Variants in CYTH1 observed in about 807,000 individuals in gnomAD.
CYTH1 encodes cytohesin 1.
A neutral mutation model predicts 61.8 loss-of-function variants in CYTH1; 18 were observed. The ratio of observed to expected loss-of-function variants is 0.29; its 90% confidence interval spans 0.20 to 0.43. The LOEUF (loss-of-function observed/expected upper bound fraction) is 0.43, where lower values mean the gene tolerates loss of function less well. Ranked by LOEUF, CYTH1 falls within the 20% of genes least tolerant of loss-of-function variation. The pLI, the probability that CYTH1 is intolerant of heterozygous loss-of-function variation, is 1.00. For missense variants in CYTH1, 336 were observed against 510.5 expected (o/e 0.66, Z 3.29); for synonymous variants, 174 against 184.3 (o/e 0.94, Z 0.45).
chr17:78,759,246 G>A (rs959173496), intron 1 of CYTH1, among the ~76,000 whole-genome samples: 2 of 152,192 alleles, frequency 1.3e-5, no homozygotes, highest in African/African-American at 4.8e-5. Flanking sequence ...CCCCGAGGAA[G>A]GACTAAAAGG....
intron 1 of CYTH1, among the ~76,000 whole-genome samples, chr17:78,758,688 C>T (rs945127797): frequency 1.3e-5 from 2 of 151,808 alleles, no homozygotes; most frequent in African/African-American, 4.8e-5. Context: ...GCCTGGGCAA[C>T]AAGAGTGAAA....
intron 1 of CYTH1, among the ~76,000 whole-genome samples, chr17:78,777,571 G>A (rs1287481054): frequency 6.6e-6 from 1 of 152,116 alleles, no homozygotes; most frequent in Non-Finnish European, 1.5e-5. Context: ...TTTTGAAATT[G>A]TCTTTAATTG....
At chr17:78,760,578 T>C (rs1173242782) in intron 1 of CYTH1, among the ~76,000 whole-genome samples, 1 of 25,884 alleles carries the variant, frequency 3.9e-5, no homozygotes, top group African/African-American at 1.2e-4. Context: ...TACACATACA[T>C]ATATATGTAT....
chr17:78,760,380 TATATAC>T (rs1188617019), intron 1 of CYTH1, among the ~76,000 whole-genome samples: 36 of 55,108 alleles, frequency 6.5e-4, no homozygotes, highest in African/African-American at 2.2e-3. Context: ...TATATATATA[TATATAC>T]ACACACATAC....
chr17:78,701,463 G>A (rs976471445), intron 6 of CYTH1, among the ~76,000 whole-genome samples: 14 of 151,958 alleles, frequency 9.2e-5, no homozygotes, highest in African/African-American at 1.7e-4. Context: ...TTACAGAATC[G>A]GCCTCCAGAA....
At chr17:78,677,323 G>A (rs1458740675) in intron 13 of CYTH1, 1 of 309,136 alleles carries the variant, frequency 3.2e-6, no homozygotes, top group Non-Finnish European at 6.4e-6. Flanking sequence ...GCACTGCCCT[G>A]TGTGCAGAGG....
At chr17:78,699,492 G>C (rs970864244) in intron 7 of CYTH1, among the ~76,000 whole-genome samples, 15 of 152,166 alleles carry the variant, frequency 9.9e-5, no homozygotes, top group African/African-American at 3.6e-4. Context: ...AAGACTTAAA[G>C]CTGTTTATTT....
intron 11 of CYTH1, among the ~76,000 whole-genome samples, chr17:78,690,392 TCAAAAAAAAAAAAA>T (rs1939408086): frequency 2.1e-4 from 2 of 9,488 alleles, no homozygotes; most frequent in Non-Finnish European, 2.4e-4. Flanking sequence ...AGACTCCATC[TCAAAAAAAAAAAAA>T]AAAAAAAAAA....
At chr17:78,769,052 A>G (rs1413562113) in intron 1 of CYTH1, among the ~76,000 whole-genome samples, 1 of 152,006 alleles carries the variant, frequency 6.6e-6, no homozygotes, top group African/African-American at 2.4e-5. Flanking sequence ...AGGCTGAGGC[A>G]CGAGAATCAC....
chr17:78,777,422 A>G (rs1345884699), intron 1 of CYTH1, among the ~76,000 whole-genome samples: 4 of 152,146 alleles, frequency 2.6e-5, no homozygotes, highest in African/African-American at 9.7e-5. Context: ...CGTCTCAAAA[A>G]TAAATAAATA....
chr17:78,682,836 G>A (rs1014544753), intron 11 of CYTH1, among the ~76,000 whole-genome samples: 1 of 152,168 alleles, frequency 6.6e-6, no homozygotes, highest in African/African-American at 2.4e-5. Context: ...CAGCCTTGGC[G>A]TGCATTCATT....
intron 1 of CYTH1, among the ~76,000 whole-genome samples, chr17:78,712,747 T>C (rs2144455453): frequency 6.6e-6 from 1 of 152,268 alleles, no homozygotes; most frequent in South Asian, 2.1e-4. Context: ...TACTGAGTCC[T>C]GTGGTTTGAA....
chr17:78,698,297 T>C lies in CYTH1; in HGVS notation c.783A>G (p.Pro261=). ...GTTTCAATAGCCAGCCTTCTCGGTC[T>C]GGATTGAAGAAAGTGTGAGTGAGGT... ...GNDLTHTFFN[P]DREGWLLKLG... The change falls in exon 9 of 14, where the codon CCA becomes CCG. Residue 261 remains proline (P), a synonymous_variant. Coordinates refer to ENST00000446868, the MANE Select transcript of CYTH1 (RefSeq NM_004762.6). 6.2e-7 allele frequency: 1 copy of C among 1,613,230 alleles called. No individual in the cohort carries two copies.
intron 1 of CYTH1, among the ~76,000 whole-genome samples, chr17:78,763,968 A>G (rs766567431): frequency 6.6e-6 from 1 of 152,006 alleles, no homozygotes; most frequent in Non-Finnish European, 1.5e-5. Context: ...AAAATTAGCC[A>G]GGCACAGTGG....
chr17:78,747,280 C>A (rs1276724225), intron 1 of CYTH1, among the ~76,000 whole-genome samples: 1 of 151,518 alleles, frequency 6.6e-6, no homozygotes, highest in African/African-American at 2.4e-5. Context: ...GATAGTGGCA[C>A]AGGTATACTA....
At chr17:78,728,671 A>G (rs2093278539) in intron 1 of CYTH1, among the ~76,000 whole-genome samples, 1 of 152,234 alleles carries the variant, frequency 6.6e-6, no homozygotes, top group Non-Finnish European at 1.5e-5. Flanking sequence ...AAAGGGAGAA[A>G]GGGTAACGTG....
At chr17:78,694,442 T>C (rs2092918611) in intron 10 of CYTH1, among the ~76,000 whole-genome samples, 1 of 152,200 alleles carries the variant, frequency 6.6e-6, no homozygotes, top group African/African-American at 2.4e-5. Flanking sequence ...AAATGGATAC[T>C]ATGACATGCA....
At chr17:78,770,250 G>A (rs2093465260) in intron 1 of CYTH1, among the ~76,000 whole-genome samples, 1 of 150,064 alleles carries the variant, frequency 6.7e-6, no homozygotes, top group Non-Finnish European at 1.5e-5. Context: ...CTTGACCCGG[G>A]AGGTGGAGGA....
In CYTH1 at chr17:78,705,876, C is replaced by T. The variant is rs78500838; in HGVS notation, c.170+2321G>A. On this transcript the variant is annotated intron_variant, in intron 3 of 13. Transcript: ENST00000446868. Reference sequence around the variant, plus strand: ...GATGCACTCACGTTCCTGGTGTCTGCGTTTCCTTGCTGTTCTATGGTAACT... The same window carrying T: ...GATGCACTCACGTTCCTGGTGTCTGTGTTTCCTTGCTGTTCTATGGTAACT... 6.2e-3 allele frequency among the ~76,000 whole-genome samples: 949 copies of T among 152,232 alleles called. 5 individuals are homozygous for T. The highest frequency in any genetic ancestry group is 0.022 in the African/African-American group (907 of 41,524).
Sources: allele counts gnomAD v4.1 joint callset (sites outside exome capture counted in the v4.1 genomes callset), GRCh38; gene constraint gnomAD v4.1.1; transcripts MANE v1.5; gene names NCBI Gene and HGNC (gene_info 2026-07-23, HGNC 2026-07-21).